The following DAAM1 variants were observed in gnomAD, a reference collection of about 807,000 sequenced individuals.
The protein encoded by DAAM1 is disheveled-associated activator of morphogenesis 1.
DAAM1 carries 52 observed loss-of-function variants against 130.0 expected under a neutral mutation model. The observed-to-expected ratio is 0.40, with a 90% CI of 0.32 to 0.50. DAAM1 has a LOEUF of 0.50. Ranked by LOEUF, DAAM1 falls within the 20% of genes least tolerant of loss-of-function variation. The probability of loss-of-function intolerance (pLI) is 0.61; values close to 1 mark genes in which losing one functional copy is unlikely to be tolerated. For synonymous variants in DAAM1, 452 were observed against 444.5 expected (o/e 1.02, Z -0.21); for missense variants, 1,134 against 1,303.8 (o/e 0.87, Z 2.01).
At chr14:59,282,757 A>T (rs951912893) in intron 2 of DAAM1, among the ~76,000 whole-genome samples, 3 of 152,164 alleles carry the variant, frequency 2.0e-5, no homozygotes, top group Non-Finnish European at 4.4e-5. Context: ...CCTACTTTAT[A>T]GGATTGTTGT....
intron 1 of DAAM1, among the ~76,000 whole-genome samples, chr14:59,189,104 C>T (rs1336985114): frequency 6.6e-6 from 1 of 152,150 alleles, no homozygotes; most frequent in Non-Finnish European, 1.5e-5. Context: ...GAGGAGCTGG[C>T]GGGGTAACAC....
chr14:59,283,966 T>A (rs1157267282), intron 2 of DAAM1, among the ~76,000 whole-genome samples: 1 of 152,146 alleles, frequency 6.6e-6, no homozygotes, highest in Non-Finnish European at 1.5e-5. Context: ...AAGGCAGTGG[T>A]TCTAAAATGT....
chr14:59,199,886 T>C (rs1419596421), intron 1 of DAAM1, among the ~76,000 whole-genome samples: 1 of 152,144 alleles, frequency 6.6e-6, no homozygotes, highest in African/African-American at 2.4e-5. Flanking sequence ...CCAAAATGTC[T>C]CCAGACATTG....
At chr14:59,363,563 A>AATTTAAGGCATGTGAAAT in intron 22 of DAAM1, 88 bp from the exon 23 acceptor site, 2 of 1,555,746 alleles carry the variant, frequency 1.3e-6, no homozygotes, top group Non-Finnish European at 1.7e-6. Context: ...TGATTTATTA[A>AATTTAAGGCATGTGAAAT]ATTTAAGGCA....
intron 4 of DAAM1, among the ~76,000 whole-genome samples, 186 bp from the exon 5 acceptor site, chr14:59,320,304 T>C (rs1282392981): frequency 6.6e-6 from 1 of 152,226 alleles, no homozygotes; most frequent in Non-Finnish European, 1.5e-5. Context: ...GGCAACGTCA[T>C]CTCTACGAAG....
rs1459406484 is a variant in DAAM1 at position 59,340,128 on chromosome 14, C to T, written c.2023C>T (p.Leu675Phe). Residue 675 changes from leucine to phenylalanine, a missense_variant, in exon 16 of 25, where the codon CTT (leucine) becomes TTT (phenylalanine). Leu to Phe is a conservative substitution (Grantham distance 22). Transcript: ENST00000360909. Reference sequence around the variant, plus strand: ...GAGTTCCAAACTTAAAGTTAAAGAGCTTTCGGTGATTGATGGTCGGAGAGC... The same window carrying T: ...GAGTTCCAAACTTAAAGTTAAAGAGTTTTCGGTGATTGATGGTCGGAGAGC... Reference protein sequence around the residue: ...TLSSKLKVKELSVIDGRRAQN... With the variant: ...TLSSKLKVKEFSVIDGRRAQN... 1 of 1,613,554 alleles carries T rather than the reference C, an allele frequency of 6.2e-7. No individual in the cohort carries two copies.
At chr14:59,352,694 T>A in intron 18 of DAAM1, 62 bp downstream of exon 18, 2 of 1,411,846 alleles carry the variant, frequency 1.4e-6, no homozygotes, top group Non-Finnish European at 9.8e-7. Flanking sequence ...TCATGAATTT[T>A]CAATTCATGT....
intron 4 of DAAM1, among the ~76,000 whole-genome samples, chr14:59,318,339 G>C (rs1884871075): frequency 6.6e-6 from 1 of 151,796 alleles, no homozygotes. Context: ...CTCTCTGTCA[G>C]ACCCGCGTGT....
intron 3 of DAAM1, among the ~76,000 whole-genome samples, chr14:59,313,512 CTG>C (rs1884672861): frequency 1.3e-5 from 2 of 152,212 alleles, no homozygotes; most frequent in African/African-American, 2.4e-5. Context: ...TCTTCTGTAA[CTG>C]TTAAATATTA....
At chr14:59,329,273 G>A (rs750292594) in intron 12 of DAAM1, among the ~76,000 whole-genome samples, 80 of 152,160 alleles carry the variant, frequency 5.3e-4, no homozygotes, top group Non-Finnish European at 4.7e-4. Flanking sequence ...TGAGAGGAAG[G>A]CAAGTTTCTA....
At chr14:59,327,702 C>T (rs1290697306) in intron 12 of DAAM1, among the ~76,000 whole-genome samples, 18 of 152,078 alleles carry the variant, frequency 1.2e-4, no homozygotes, top group African/African-American at 2.9e-4. Context: ...CCACCGCGCC[C>T]GGCCTACTTG....
Position 59,323,066 on chromosome 14 carries a change from T to C in DAAM1, c.615T>C (p.Ile205=), listed in dbSNP as rs1555362996. 1 of 1,613,996 alleles carries C rather than the reference T, an allele frequency of 6.2e-7. No individual in the cohort carries two copies. The highest frequency in any genetic ancestry group is 1.6e-4 in the Middle Eastern group (1 of 6,062). ...ACGTCCTGGCTCATTCTGAGAGTAT[T>C]AATGTAATTGCTCAGAGTCTGAGCA... ...RAHVLAHSES[I]NVIAQSLSTE... The change falls in exon 6 of 25, where the codon ATT becomes ATC. Residue 205 remains isoleucine, a synonymous_variant. Coordinates refer to ENST00000360909, the MANE Select transcript of DAAM1 (RefSeq NM_001270520.2).
intron 16 of DAAM1, among the ~76,000 whole-genome samples, chr14:59,347,038 G>C (rs1392292306): frequency 6.7e-6 from 1 of 149,896 alleles, no homozygotes; most frequent in African/African-American, 2.4e-5. Context: ...TTAAAAAAAA[G>C]CCTTAACTAT....
In DAAM1 at chr14:59,324,064, A is replaced by G; in HGVS notation, c.775-64A>G. 5 of 1,142,460 alleles carry G rather than the reference A, an allele frequency of 4.4e-6. No homozygotes were observed. In the South Asian group the frequency reaches 1.4e-4, roughly 31 times the overall value. 70.8% of individuals were successfully genotyped at this position (1,142,460 alleles called of 1,614,324 possible). A position where few individuals can be genotyped will look rare whatever the true frequency, so the allele number is the denominator to read the frequency against. ...AAAAAAGTTAACTTTTGAGTATAAA[A>G]AAATTCATAAAATGAGCATAAGGTT... On this transcript the variant is annotated intron_variant, in intron 6 of 24. Coordinates refer to ENST00000360909, the MANE Select transcript of DAAM1 (RefSeq NM_001270520.2).
chr14:59,245,809 G>A (rs748435276), intron 1 of DAAM1, among the ~76,000 whole-genome samples: 10 of 152,170 alleles, frequency 6.6e-5, no homozygotes, highest in Non-Finnish European at 1.3e-4. Flanking sequence ...TTGTACAGTT[G>A]AACAGATTGT....
intron 1 of DAAM1, among the ~76,000 whole-genome samples, chr14:59,226,421 T>C (rs946027882): frequency 1.3e-5 from 2 of 152,184 alleles, no homozygotes; most frequent in Non-Finnish European, 2.9e-5. Context: ...GGGCAGTCTT[T>C]GTATCTGTAA....
At chr14:59,294,409 G>A (rs553874717) in intron 3 of DAAM1, among the ~76,000 whole-genome samples, 18 of 152,210 alleles carry the variant, frequency 1.2e-4, no homozygotes, top group Non-Finnish European at 2.2e-4. Context: ...AGACTAAAAC[G>A]ATTCAAAAGA....
chr14:59,227,158 T>G (rs940629572), intron 1 of DAAM1, among the ~76,000 whole-genome samples: 1 of 152,210 alleles, frequency 6.6e-6, no homozygotes, highest in Non-Finnish European at 1.5e-5. Context: ...AGTTTAAGCT[T>G]CTGGTTCTTT....
rs764251989 is a variant in DAAM1, at chr14:59,331,875, T to A, written c.1923T>A (p.Asp641Glu). ...IDDTKVFKILDLEDLERTFSA... is the reference protein window; with the variant it reads ...IDDTKVFKILELEDLERTFSA... ...ATACAAAAGTCTTCAAAATTCTAGA[T>A]CTTGAAGACCTGGAAAGAACCTTCT... Residue 641 changes from aspartate (D) to glutamate (E), a missense_variant, in exon 15 of 25, where the codon GAT becomes GAA. Physicochemically the swap from Asp to Glu is conservative, Grantham distance 45 (BLOSUM62 2). Transcript: ENST00000360909. 6.2e-7 allele frequency: 1 copy of A among 1,614,126 alleles called. No individual in the cohort carries two copies. Among genetic ancestry groups the A allele is most frequent in the Non-Finnish European group, 8.5e-7 (1 of 1,180,016 alleles).
Sources: gnomAD v4.1 joint callset for allele counts (sites outside exome capture counted in the v4.1 genomes callset) on GRCh38, gnomAD v4.1.1 for gene constraint, MANE v1.5 for transcripts, NCBI Gene and HGNC (gene_info 2026-07-23, HGNC 2026-07-21) for gene names.